PIK3CB: variants seen among roughly 807,000 people sequenced by gnomAD.
PIK3CB encodes phosphatidylinositol 4,5-bisphosphate 3-kinase catalytic subunit beta isoform.
A neutral mutation model predicts 136.8 loss-of-function variants in PIK3CB; 39 were observed. The ratio of observed to expected loss-of-function variants is 0.29; its 90% CI spans 0.22 to 0.37. The LOEUF (loss-of-function observed/expected upper bound fraction) is 0.37, where lower values mean the gene tolerates loss of function less well. PIK3CB is among the 10% of genes least tolerant of loss of function. The pLI, the probability that PIK3CB is intolerant of heterozygous loss-of-function variation, is 1.00. For missense variants in PIK3CB, 868 were observed against 1,275.4 expected, an observed-to-expected ratio of 0.68 and a Z score of 4.87; for synonymous variants, 428 against 436.6, an observed-to-expected ratio of 0.98 and a Z score of 0.25.
chr3:138,825,000 G>A, intron 1 of PIK3CB: 1 of 210,766 alleles, frequency 4.7e-6, no homozygotes, highest in Non-Finnish European at 9.9e-6. Context: ...GGTCAAGGCT[G>A]CAGTGGGCCA....
intron 8 of PIK3CB, among the ~76,000 whole-genome samples, chr3:138,720,911 G>T (rs2044712273): frequency 6.6e-6 from 1 of 151,988 alleles, no homozygotes; most frequent in Non-Finnish European, 1.5e-5. Flanking sequence ...AGAAAATAAA[G>T]AAAAAACTAT....
chr3:138,720,802 A>G (rs562750497), intron 8 of PIK3CB, among the ~76,000 whole-genome samples: 7 of 152,314 alleles, frequency 4.6e-5, no homozygotes, highest in African/African-American at 1.7e-4. Context: ...CTAGAGGCAT[A>G]GGTTGCAGTG....
chr3:138,764,858 G>A (rs2045710745), intron 2 of PIK3CB, among the ~76,000 whole-genome samples: 1 of 152,126 alleles, frequency 6.6e-6, no homozygotes, highest in Non-Finnish European at 1.5e-5. Context: ...TGTGTCTCAA[G>A]CACCCAGGAC....
At chr3:138,766,530 G>A (rs1185327705) in intron 2 of PIK3CB, among the ~76,000 whole-genome samples, 2 of 151,868 alleles carry the variant, frequency 1.3e-5, no homozygotes, top group African/African-American at 4.8e-5. Context: ...TACTTTAACA[G>A]TTGCCCATGC....
At chr3:138,748,530 A>G (rs2045408206) in intron 4 of PIK3CB, among the ~76,000 whole-genome samples, 1 of 152,220 alleles carries the variant, frequency 6.6e-6, no homozygotes, top group Non-Finnish European at 1.5e-5. Flanking sequence ...TACTATCAAT[A>G]TATGAATATT....
At chr3:138,734,972 A>G (rs894898441) in intron 6 of PIK3CB, among the ~76,000 whole-genome samples, 168 bp from the exon 7 acceptor site, 4 of 138,344 alleles carry the variant, frequency 2.9e-5, no homozygotes, top group Non-Finnish European at 6.2e-5. Flanking sequence ...TTTTTTTTTG[A>G]GACAGGGTCT....
intron 2 of PIK3CB, among the ~76,000 whole-genome samples, chr3:138,776,793 T>C (rs553138085): frequency 8.6e-5 from 13 of 151,914 alleles, no homozygotes; most frequent in African/African-American, 3.1e-4. Context: ...CATGATGGCA[T>C]GCACTTGTGG....
chr3:138,827,171 A>C (rs1371088145), intron 1 of PIK3CB, among the ~76,000 whole-genome samples: 2 of 152,242 alleles, frequency 1.3e-5, no homozygotes, highest in Admixed American at 6.5e-5. Context: ...CCTTCAGTCA[A>C]GACCAAAATT....
Position 138,786,208 on chromosome 3 carries a change from G to C in PIK3CB, c.-17+10255C>G, listed in dbSNP as rs555049610. Among the ~76,000 whole-genome samples the C allele has an allele frequency of 1.4e-4, 21 of 152,290 alleles. No homozygotes were observed. The South Asian group carries it at 2.7e-3, about 20-fold the overall frequency. ...CCTGGGTGCTCAGAAGCAGCAGAAA[G>C]AGAGCTCCAAAGGTTGCTTTAAAAA... is the stretch of plus-strand genomic sequence containing the variant. On this transcript the variant is annotated intron_variant, in intron 2 of 23. Coordinates refer to ENST00000674063, the MANE Select transcript of PIK3CB (RefSeq NM_006219.3).
chr3:138,772,393 G>A (rs2045810143), intron 2 of PIK3CB, among the ~76,000 whole-genome samples: 3 of 152,044 alleles, frequency 2.0e-5, no homozygotes, highest in African/African-American at 7.2e-5. Context: ...CTTTGAGTGG[G>A]TCCAAAGGAA....
intron 4 of PIK3CB, among the ~76,000 whole-genome samples, chr3:138,751,774 C>T (rs2045476740): frequency 6.6e-6 from 1 of 151,864 alleles, no homozygotes; most frequent in Non-Finnish European, 1.5e-5. Flanking sequence ...AGTTCGAGAC[C>T]AGCCTAGCCA....
In PIK3CB at chr3:138,808,734, T is replaced by TTC. The variant is rs111932280; in HGVS notation, c.-121-12169_-121-12168dup. Among the ~76,000 whole-genome samples the TTC allele has an allele frequency of 9.3e-3, 1,398 of 150,262 alleles. 23 individuals are homozygous for TTC. Among genetic ancestry groups the TTC allele is most frequent in the African/African-American group, 0.032 (1,329 of 41,066 alleles). On this transcript the variant is annotated intron_variant, in intron 1 of 23. Transcript: ENST00000674063. ...CTAGGCCCTCTCTCTCTCTCTCCTT[T>TTC]TCTCTCTCTCTCTCTCTATATATAT...
At chr3:138,715,676 T>A (rs2044591952) in intron 8 of PIK3CB, among the ~76,000 whole-genome samples, 2 of 151,974 alleles carry the variant, frequency 1.3e-5, no homozygotes, top group South Asian at 4.1e-4. Context: ...GATATTAAAA[T>A]ATATTCAAAC....
At chr3:138,701,946 A>G (rs1047475194) in intron 12 of PIK3CB, among the ~76,000 whole-genome samples, 12 of 150,594 alleles carry the variant, frequency 8.0e-5, no homozygotes, top group Non-Finnish European at 1.5e-4. Context: ...ATATATATAT[A>G]GTTTTATATA....
At chr3:138,696,662 T>C (rs1363669332) in intron 13 of PIK3CB, among the ~76,000 whole-genome samples, 1 of 152,060 alleles carries the variant, frequency 6.6e-6, no homozygotes, top group Non-Finnish European at 1.5e-5. Flanking sequence ...CTATAAAAGC[T>C]CCTAAAGGTA....
At chr3:138,727,065 A>C (rs1021310484) in intron 8 of PIK3CB, among the ~76,000 whole-genome samples, 1 of 151,986 alleles carries the variant, frequency 6.6e-6, no homozygotes, top group Admixed American at 6.6e-5. Flanking sequence ...ACAAAAAACA[A>C]ACAAAAAGCC....
At chr3:138,690,460 T>G (rs1039017544) in intron 15 of PIK3CB, among the ~76,000 whole-genome samples, 1 of 151,930 alleles carries the variant, frequency 6.6e-6, no homozygotes, top group Admixed American at 6.6e-5. Context: ...GATTTTACTC[T>G]TATATGAACT....
chr3:138,780,085 G>A (rs2045906755), intron 2 of PIK3CB, among the ~76,000 whole-genome samples: 1 of 151,778 alleles, frequency 6.6e-6, no homozygotes, highest in African/African-American at 2.4e-5. Context: ...AGCCTTCCAA[G>A]TAGCTGAGAT....
intron 19 of PIK3CB, among the ~76,000 whole-genome samples, chr3:138,680,475 C>A (rs1048550328): frequency 1.4e-4 from 22 of 151,944 alleles, no homozygotes; most frequent in African/African-American, 5.1e-4. Context: ...ATGAACTGGA[C>A]TATATCTTTG....
Sources: allele counts gnomAD v4.1 joint callset (sites outside exome capture counted in the v4.1 genomes callset), GRCh38; gene constraint gnomAD v4.1.1; transcripts MANE v1.5; gene names NCBI Gene and HGNC (gene_info 2026-07-23, HGNC 2026-07-21).